Variants in TBC1D22A observed in about 807,000 individuals in gnomAD.
TBC1D22A encodes the protein putative GTPase activator.
In TBC1D22A, 38 loss-of-function variants were observed where a neutral mutation model predicts 60.2. The observed-to-expected ratio is 0.63, with a 90% CI of 0.49 to 0.83. The LOEUF (loss-of-function observed/expected upper bound fraction) is 0.83, where lower values mean the gene tolerates loss of function less well. Ranked by LOEUF, TBC1D22A falls within the 40% of genes least tolerant of loss-of-function variation. The pLI, the probability that TBC1D22A is intolerant of heterozygous loss-of-function variation, is 0.00. For synonymous variants in TBC1D22A, 302 were observed against 281.7 expected, an observed-to-expected ratio of 1.07 and a Z score of -0.72; for missense variants, 628 against 701.0, an observed-to-expected ratio of 0.90 and a Z score of 1.18.
At chr22:47,170,513 G>A (rs2068391370) in intron 12 of TBC1D22A, among the ~76,000 whole-genome samples, 4 of 152,188 alleles carry the variant, frequency 2.6e-5, no homozygotes, top group Admixed American at 2.6e-4. Context: ...CAATTTAAAG[G>A]CCCACTGAAA....
At chr22:47,013,284 G>T (rs1004380167) in intron 10 of TBC1D22A, among the ~76,000 whole-genome samples, 17 of 152,234 alleles carry the variant, frequency 1.1e-4, no homozygotes, top group African/African-American at 3.4e-4. Flanking sequence ...ATGCAAACAC[G>T]TGAGGCCTCC....
rs746217683 is a variant in TBC1D22A at position 46,878,743 on chromosome 22, C to A, written c.708+20C>A. The A allele has an allele frequency of 3.1e-6, 5 of 1,610,714 alleles. No individual in the cohort carries two copies. In the South Asian group the frequency reaches 5.5e-5, roughly 18 times the overall value. ...CTCTCAGTAAGTCCCACCGCACCGC[C>A]CATCAGCGCCTCCTTCCTGTGCACA... On this transcript the variant is annotated intron_variant, in intron 5 of 12. Transcript: ENST00000337137.
intron 12 of TBC1D22A, among the ~76,000 whole-genome samples, chr22:47,140,942 C>T (rs538487735): frequency 3.3e-5 from 5 of 152,368 alleles, no homozygotes; most frequent in South Asian, 2.1e-4. Context: ...ACTCTAGGAC[C>T]GCTCTGGCTT....
intron 1 of TBC1D22A, among the ~76,000 whole-genome samples, chr22:46,782,786 T>G (rs904772127): frequency 2.0e-5 from 3 of 152,208 alleles, no homozygotes; most frequent in African/African-American, 7.2e-5. Context: ...TCACCCATGC[T>G]GTGTTGCGTA....
At chr22:47,090,720 TG>T (rs1377439647) in intron 11 of TBC1D22A, among the ~76,000 whole-genome samples, 1 of 145,440 alleles carries the variant, frequency 6.9e-6, no homozygotes, top group Non-Finnish European at 1.5e-5. Flanking sequence ...AAGTCATCTT[TG>T]GGGGAGTGGC....
At chr22:46,932,289 G>A (rs535891012) in intron 8 of TBC1D22A, among the ~76,000 whole-genome samples, 26 of 152,328 alleles carry the variant, frequency 1.7e-4, no homozygotes, top group African/African-American at 5.1e-4. Flanking sequence ...GCCGTGCTGT[G>A]ACCGTTCTCC....
At chr22:47,055,632 G>A (rs1732799228) in intron 11 of TBC1D22A, among the ~76,000 whole-genome samples, 1 of 152,096 alleles carries the variant, frequency 6.6e-6, no homozygotes, top group African/African-American at 2.4e-5. Flanking sequence ...GGTAGGTGTG[G>A]GGAGGCAGAG....
intron 11 of TBC1D22A, among the ~76,000 whole-genome samples, chr22:47,050,009 G>T (rs973086700): frequency 6.6e-6 from 1 of 152,164 alleles, no homozygotes; most frequent in Non-Finnish European, 1.5e-5. Flanking sequence ...GTGAGAGGGG[G>T]CATTTCCTTT....
intron 8 of TBC1D22A, among the ~76,000 whole-genome samples, chr22:46,949,861 C>T (rs1343376720): frequency 2.0e-5 from 3 of 152,196 alleles, no homozygotes; most frequent in African/African-American, 7.2e-5. Flanking sequence ...CAAGTGAGTG[C>T]GGAGACTTCC....
chr22:46,994,329 A>C (rs897221441), intron 9 of TBC1D22A, among the ~76,000 whole-genome samples: 1 of 152,088 alleles, frequency 6.6e-6, no homozygotes, highest in Non-Finnish European at 1.5e-5. Context: ...CATCAGAGCC[A>C]GTGTTGAGGG....
intron 11 of TBC1D22A, among the ~76,000 whole-genome samples, chr22:47,038,399 C>T (rs574863395): frequency 6.6e-6 from 1 of 152,330 alleles, no homozygotes; most frequent in African/African-American, 2.4e-5. Context: ...GTCCCAGGCA[C>T]TGCGTTGGGT....
At chr22:46,818,287 A>G (rs531087008) in intron 4 of TBC1D22A, among the ~76,000 whole-genome samples, 49 of 152,190 alleles carry the variant, frequency 3.2e-4, no homozygotes, top group African/African-American at 1.1e-3. Flanking sequence ...CTTATGTTGC[A>G]GTTGCTTTTG....
At chr22:46,950,778 C>T (rs191185387) in intron 8 of TBC1D22A, among the ~76,000 whole-genome samples, 3 of 152,258 alleles carry the variant, frequency 2.0e-5, no homozygotes, top group African/African-American at 4.8e-5. Context: ...CGAACCCTTG[C>T]GTCTCCGGGA....
chr22:47,074,680 C>A lies in TBC1D22A; in HGVS notation c.1330-36828C>A, dbSNP rs150162221. ...CCCCCTCGGGGACCTGGAAGTGGCA[C>A]TGTCTGAATTCTGTTCTGTCGGTTC... is the stretch of plus-strand genomic sequence containing the variant. On this transcript the variant is annotated intron_variant, in intron 11 of 12. Coordinates refer to ENST00000337137, the MANE Select transcript of TBC1D22A (RefSeq NM_014346.5). 5.9e-5 allele frequency among the ~76,000 whole-genome samples: 9 copies of A among 152,342 alleles called. No homozygotes were observed. The East Asian group carries it at 1.7e-3, about 29-fold the overall frequency.
At chr22:46,970,257 A>C in intron 8 of TBC1D22A, among the ~76,000 whole-genome samples, 1 of 148,116 alleles carries the variant, frequency 6.8e-6, no homozygotes, top group South Asian at 2.2e-4. Flanking sequence ...CATGGCTGTC[A>C]TTTCATTAGG....
chr22:47,096,979 C>T (rs901651171), intron 11 of TBC1D22A, among the ~76,000 whole-genome samples: 2 of 113,566 alleles, frequency 1.8e-5, no homozygotes, highest in African/African-American at 7.4e-5. Context: ...TTTCTCTGTA[C>T]CATTGATGGA....
intron 10 of TBC1D22A, 78 bp from the exon 11 acceptor site, chr22:47,036,992 TG>T (rs1569366926): frequency 6.3e-7 from 1 of 1,585,510 alleles, no homozygotes. Context: ...CGCAGGCCCT[TG>T]GGGGACAAGT....
intron 9 of TBC1D22A, among the ~76,000 whole-genome samples, chr22:46,995,438 G>T (rs1349922752): frequency 1.3e-5 from 2 of 152,164 alleles, no homozygotes; most frequent in Non-Finnish European, 2.9e-5. Context: ...CATTTTTTGT[G>T]TTCTGTGCCA....
intron 11 of TBC1D22A, among the ~76,000 whole-genome samples, chr22:47,045,315 C>T (rs866962383): frequency 9.2e-5 from 14 of 152,216 alleles, no homozygotes; most frequent in Middle Eastern, 3.4e-3. Context: ...CGCTCCTCCG[C>T]GGTTTGGAAG....
Sources: allele counts gnomAD v4.1 joint callset (sites outside exome capture counted in the v4.1 genomes callset), GRCh38; gene constraint gnomAD v4.1.1; transcripts MANE v1.5; gene names NCBI Gene and HGNC (gene_info 2026-07-23, HGNC 2026-07-21).